The following PCGF3 variants were observed in gnomAD, a reference collection of about 807,000 sequenced individuals.
The protein encoded by PCGF3 is polycomb group RING finger protein 3.
A neutral mutation model predicts 33.1 loss-of-function variants in PCGF3; 7 were observed. That is an observed-to-expected ratio of 0.21 (90% CI 0.12 to 0.40). PCGF3 has a LOEUF of 0.40. Among genes scored for constraint, PCGF3 ranks in the 10% least tolerant of loss-of-function variants. The pLI is 1.00. For synonymous variants in PCGF3, 153 were observed against 121.3 expected (o/e 1.26, Z -1.72); for missense variants, 211 against 313.3 (o/e 0.67, Z 2.46).
At position 736,482 on chromosome 4, in the gene PCGF3, ATG is replaced by A. The variant is rs879536897; in HGVS notation, c.207-983_207-982del. On this transcript the variant is annotated intron_variant, in intron 5 of 10. Coordinates refer to ENST00000362003, the Ensembl canonical transcript of PCGF3. Reference sequence around the variant, plus strand: ...GGACAGTGTCCCCTGAGCGCATAGGATGCAGGGAACCCGGGGTGTCCGCAGGG... The same window carrying A: ...GGACAGTGTCCCCTGAGCGCATAGGACAGGGAACCCGGGGTGTCCGCAGGG... Among the ~76,000 whole-genome samples the A allele has an allele frequency of 8.8e-3, 1,324 of 150,562 alleles. 122 individuals are homozygous for A. The highest frequency in any genetic ancestry group is 0.015 in the South Asian group (73 of 4,796).
At chr4:765,959 C>G (rs1208681563) in intron 10 of PCGF3, 73 bp from the exon 11 acceptor site, 2 of 1,376,076 alleles carry the variant, frequency 1.5e-6, no homozygotes, top group Middle Eastern at 1.8e-4. Context: ...TCCTCAGCAC[C>G]CTTCCCGATG....
chr4:734,110 A>C (rs1743735623), intron 4 of PCGF3: 5 of 1,550,558 alleles, frequency 3.2e-6, no homozygotes, highest in Admixed American at 3.9e-5. Flanking sequence ...TCTCCAGAGG[A>C]GTTCCTTAGA....
chr4:731,350 G>A lies in PCGF3; in HGVS notation c.-10+240G>A, dbSNP rs1011442908. Reference sequence around the variant, plus strand: ...AGAGGGCTGGTCTCCTTCCGTCACTGGTTCACTTGGGTTCCCGGCGTGTCG... The same window carrying A: ...AGAGGGCTGGTCTCCTTCCGTCACTAGTTCACTTGGGTTCCCGGCGTGTCG... On this transcript the variant is annotated intron_variant, in intron 3 of 10. Coordinates refer to ENST00000362003, the Ensembl canonical transcript of PCGF3. 6 of 399,822 alleles carry A rather than the reference G, an allele frequency of 1.5e-5. No individual in the cohort carries two copies. The South Asian group carries it at 7.3e-4, about 49-fold the overall frequency. The allele number at this position is 399,822 out of a possible 1,614,324, so 24.8% of individuals were successfully genotyped here.
intron 6 of PCGF3, among the ~76,000 whole-genome samples, chr4:738,300 C>CT (rs1743923105): frequency 6.6e-6 from 1 of 152,264 alleles, no homozygotes; most frequent in African/African-American, 2.4e-5. Flanking sequence ...GAGAATCATA[C>CT]TGTTAGAGGC....
chr4:765,889 C>T, intron 10 of PCGF3, 143 bp from the exon 11 acceptor site: 1 of 709,904 alleles, frequency 1.4e-6, no homozygotes, highest in Non-Finnish European at 2.4e-6. Context: ...CCTTCTGTTG[C>T]TCAGAACAGA....
At position 706,595 on chromosome 4, in the gene PCGF3, C is replaced by T. The variant is rs551714845; in HGVS notation, c.-190+625C>T. 6.0e-4 allele frequency among the ~76,000 whole-genome samples: 82 copies of T among 136,778 alleles called. 1 individual carries two copies. Among genetic ancestry groups the T allele is most frequent in the African/African-American group, 1.4e-3 (52 of 36,302 alleles). 89.7% of individuals were successfully genotyped at this position (136,778 alleles called of 152,430 possible). A position where few individuals can be genotyped will look rare whatever the true frequency, so the allele number is the denominator to read the frequency against. On this transcript the variant is annotated intron_variant, in intron 1 of 10. Transcript: ENST00000362003. ...AGGCAGGACCGCGGGAGGGCAGGGA[C>T]CCCAGACCAGGCAGGACCCCGGGAG...
chr4:729,240 C>T (rs1743453707), intron 1 of PCGF3, among the ~76,000 whole-genome samples: 1 of 150,936 alleles, frequency 6.6e-6, no homozygotes, highest in South Asian at 2.1e-4. Context: ...CAGACTGAGA[C>T]CCTGTCTCTA....
chr4:744,071 T>C (rs1744209043), intron 7 of PCGF3: 1 of 165,876 alleles, frequency 6.0e-6, no homozygotes, highest in Admixed American at 5.6e-5. Flanking sequence ...TCTGTGACAG[T>C]TGGAGGGTGG....
At chr4:758,158 T>A (rs62294067) in intron 8 of PCGF3, among the ~76,000 whole-genome samples, 2 of 108,836 alleles carry the variant, frequency 1.8e-5, no homozygotes, top group East Asian at 5.5e-4. Flanking sequence ...AGAGGGAGAC[T>A]CTGTCTCAAA....
chr4:742,413 C>A (rs915732605), intron 6 of PCGF3, among the ~76,000 whole-genome samples: 2 of 152,214 alleles, frequency 1.3e-5, no homozygotes, highest in African/African-American at 4.8e-5. Flanking sequence ...GGGAGGAAAT[C>A]GTGGATAAAA....
At chr4:761,291 C>G in exon 9 of PCGF3, 1 of 1,593,472 alleles carries the variant, frequency 6.3e-7, no homozygotes, top group East Asian at 2.3e-5. Flanking sequence ...GAGCATCTGC[C>G]TGGAGTGTAA....
intron 9 of PCGF3, chr4:762,236 C>G (rs1216864696): frequency 2.7e-6 from 1 of 373,648 alleles, no homozygotes; most frequent in Non-Finnish European, 3.7e-6. Flanking sequence ...TCTGGAATAT[C>G]TGGGTGGAGC....
chr4:719,391 G>C (rs1001843440), intron 1 of PCGF3, among the ~76,000 whole-genome samples: 3 of 152,230 alleles, frequency 2.0e-5, no homozygotes, highest in African/African-American at 7.2e-5. Context: ...GTGTCCGCAC[G>C]AGGTTGATGA....
chr4:733,725 C>T, exon 4 of PCGF3: 5 of 1,611,778 alleles, frequency 3.1e-6, no homozygotes, highest in Non-Finnish European at 4.2e-6. Context: ...ACGCCCACAT[C>T]ACCTGCCGCC....
chr4:711,048 T>TC (rs1427823308), intron 1 of PCGF3, among the ~76,000 whole-genome samples: 1 of 152,216 alleles, frequency 6.6e-6, no homozygotes, highest in Admixed American at 6.5e-5. Context: ...AGGACTTAGC[T>TC]CCAGGGTCCA....
At chr4:739,668 C>T (rs1040708090) in intron 6 of PCGF3, among the ~76,000 whole-genome samples, 3 of 152,236 alleles carry the variant, frequency 2.0e-5, no homozygotes, top group Non-Finnish European at 2.9e-5. Context: ...AGGTGTCGTC[C>T]ATGTGCTGAG....
chr4:765,052 G>A (rs560930508), exon 10 of PCGF3: 1 of 1,612,036 alleles, frequency 6.2e-7, no homozygotes, highest in South Asian at 1.1e-5. Flanking sequence ...TTGTCACTAG[G>A]TGGAGATTCA....
At chr4:727,233 CTTT>C (rs57690550) in intron 1 of PCGF3, among the ~76,000 whole-genome samples, 14 of 61,896 alleles carry the variant, frequency 2.3e-4, no homozygotes, top group East Asian at 1.2e-3. Flanking sequence ...TAGCGAGCGT[CTTT>C]TTTTTTTTTT....
At chr4:765,043 T>C in exon 10 of PCGF3, 1 of 1,612,804 alleles carries the variant, frequency 6.2e-7, no homozygotes, top group Non-Finnish European at 8.5e-7. Flanking sequence ...AGTTCGTGGT[T>C]GTCACTAGGT....
Sources: allele counts gnomAD v4.1 joint callset (sites outside exome capture counted in the v4.1 genomes callset), GRCh38; gene constraint gnomAD v4.1.1; transcripts MANE v1.5; gene names NCBI Gene and HGNC (gene_info 2026-07-23, HGNC 2026-07-21).